MSRA: variants seen among roughly 807,000 people sequenced by gnomAD.
MSRA encodes the protein mitochondrial peptide methionine sulfoxide reductase.
In MSRA, 54 loss-of-function variants were observed where a neutral mutation model predicts 31.3. The ratio of observed to expected loss-of-function variants is 1.73; its 90% confidence interval spans 1.39 to 2.17. MSRA has a LOEUF of 2.17. Ranked by LOEUF, MSRA falls within the 30% of genes most tolerant of loss-of-function variation. The probability of loss-of-function intolerance (pLI) is 0.00; values close to 1 mark genes in which losing one functional copy is unlikely to be tolerated. For missense variants in MSRA, 507 were observed against 300.9 expected, an observed-to-expected ratio of 1.69 and a Z score of -5.07; for synonymous variants, 169 against 116.5, an observed-to-expected ratio of 1.45 and a Z score of -2.90.
At chr8:10,280,887 A>C (rs1379510124) in intron 3 of MSRA, among the ~76,000 whole-genome samples, 1 of 152,258 alleles carries the variant, frequency 6.6e-6, no homozygotes, top group Non-Finnish European at 1.5e-5. Flanking sequence ...TGCTACATGA[A>C]AGAATCCACT....
At chr8:10,061,684 A>G (rs895491907) in intron 1 of MSRA, among the ~76,000 whole-genome samples, 3 of 152,092 alleles carry the variant, frequency 2.0e-5, no homozygotes, top group Non-Finnish European at 4.4e-5. Flanking sequence ...AAAGACCAGA[A>G]ATGTCATCTT....
chr8:10,177,496 T>C (rs890097439), intron 1 of MSRA, among the ~76,000 whole-genome samples: 1 of 152,202 alleles, frequency 6.6e-6, no homozygotes, highest in Non-Finnish European at 1.5e-5. Flanking sequence ...ATGAGTGTGT[T>C]GTTATCCACC....
intron 5 of MSRA, among the ~76,000 whole-genome samples, chr8:10,349,948 C>G (rs1478909998): frequency 6.6e-6 from 1 of 152,230 alleles, no homozygotes; most frequent in Non-Finnish European, 1.5e-5. Context: ...GAGGTGAACC[C>G]TCGCTGAAGG....
At chr8:10,145,485 G>A (rs558294903) in intron 1 of MSRA, among the ~76,000 whole-genome samples, 3 of 152,184 alleles carry the variant, frequency 2.0e-5, no homozygotes, top group South Asian at 2.1e-4. Flanking sequence ...GTTGCTTGCC[G>A]CCTGCATAAT....
intron 1 of MSRA, among the ~76,000 whole-genome samples, chr8:10,184,065 G>C (rs1775128365): frequency 6.6e-6 from 1 of 151,294 alleles, no homozygotes; most frequent in African/African-American, 2.4e-5. Context: ...GGTGTTGGTA[G>C]TGGTTTTTTG....
At chr8:10,248,629 C>G (rs541194466) in intron 3 of MSRA, among the ~76,000 whole-genome samples, 47 of 152,258 alleles carry the variant, frequency 3.1e-4, no homozygotes, top group Middle Eastern at 6.8e-3. Flanking sequence ...GGATTCATAT[C>G]CGAATGGTAT....
chr8:10,110,942 G>T (rs1585169566), intron 1 of MSRA, among the ~76,000 whole-genome samples: 2 of 152,126 alleles, frequency 1.3e-5, no homozygotes, highest in African/African-American at 4.8e-5. Context: ...CTCCAGTCTA[G>T]CAATTTCTTT....
At chr8:10,190,128 G>A (rs1247179448) in intron 1 of MSRA, among the ~76,000 whole-genome samples, 1 of 152,122 alleles carries the variant, frequency 6.6e-6, no homozygotes, top group Non-Finnish European at 1.5e-5. Context: ...ACGACATTAA[G>A]CATTGTCAGT....
At chr8:10,285,910 A>T (rs1350669772) in intron 3 of MSRA, among the ~76,000 whole-genome samples, 8 of 152,152 alleles carry the variant, frequency 5.3e-5, no homozygotes, top group Admixed American at 3.9e-4. Flanking sequence ...TATGTGTGAC[A>T]TTTAATTAAA....
intron 2 of MSRA, among the ~76,000 whole-genome samples, chr8:10,225,079 A>G (rs150397169): frequency 5.9e-5 from 9 of 152,192 alleles, no homozygotes; most frequent in African/African-American, 9.6e-5. Flanking sequence ...AGAGGTTGCA[A>G]TGAGCCGAGA....
intron 1 of MSRA, among the ~76,000 whole-genome samples, chr8:10,075,866 A>T (rs1046234519): frequency 1.3e-5 from 2 of 152,196 alleles, no homozygotes; most frequent in Admixed American, 6.5e-5. Flanking sequence ...CCTAATACCA[A>T]GATATGGAGA....
intron 1 of MSRA, among the ~76,000 whole-genome samples, chr8:10,080,279 A>G (rs900379333): frequency 2.3e-4 from 34 of 149,290 alleles, no homozygotes; most frequent in African/African-American, 8.4e-4. Context: ...TTAGTATTTC[A>G]TTTCTATGGG....
intron 3 of MSRA, among the ~76,000 whole-genome samples, chr8:10,282,119 G>T (rs1279953791): frequency 1.3e-5 from 2 of 152,232 alleles, no homozygotes; most frequent in African/African-American, 2.4e-5. Context: ...CCTTTCTAAT[G>T]AATAGTAATA....
intron 1 of MSRA, among the ~76,000 whole-genome samples, chr8:10,179,924 C>G (rs2129049484): frequency 6.6e-6 from 1 of 152,308 alleles, no homozygotes; most frequent in Middle Eastern, 3.4e-3. Context: ...ACTGTTTCCT[C>G]TACACTCACA....
At chr8:10,418,815 T>TTAA (rs751877499) in intron 5 of MSRA, among the ~76,000 whole-genome samples, 1 of 66,036 alleles carries the variant, frequency 1.5e-5, no homozygotes, top group Non-Finnish European at 2.5e-5. Flanking sequence ...TTACTACGAC[T>TTAA]AAAAAAAAAA....
intron 1 of MSRA, among the ~76,000 whole-genome samples, chr8:10,178,075 C>T (rs1425168370): frequency 6.6e-6 from 1 of 152,150 alleles, no homozygotes. Context: ...CTAATGAGTA[C>T]ATCTATTCCT....
chr8:10,353,714 C>T (rs1344600998), intron 5 of MSRA: 10 of 452,668 alleles, frequency 2.2e-5, no homozygotes, highest in Non-Finnish European at 3.5e-5. Context: ...CTGTACCTGC[C>T]CACTGCCACC....
At position 10,089,138 on chromosome 8, in the gene MSRA, C is replaced by CCACACACA. The variant is rs10566550; in HGVS notation, c.142+34497_142+34504dup. ...TAAGTAAATTTTAGCTGCTTTTGTC[C>CCACACACA]CACACACACACACACACACACACAG... On this transcript the variant is annotated intron_variant, in intron 1 of 5. Coordinates refer to ENST00000317173, the MANE Select transcript of MSRA (RefSeq NM_012331.5). Among the ~76,000 whole-genome samples, 2 of 150,012 alleles carry CCACACACA rather than the reference C, an allele frequency of 1.3e-5. 1 individual carries two copies. Among genetic ancestry groups the CCACACACA allele is most frequent in the African/African-American group, 4.9e-5 (2 of 40,434 alleles).
rs529584293 is a variant in MSRA at position 10,424,171 on chromosome 8, A to G, written c.544-3977A>G. ...TCAGAGATGGATAGGAGTTCCTGCG[A>G]TGGAAAAGAGGAAAGGACATTCCTT... On this transcript the variant is annotated intron_variant, in intron 5 of 5. Coordinates refer to ENST00000317173, the MANE Select transcript of MSRA (RefSeq NM_012331.5). Among the ~76,000 whole-genome samples the G allele has an allele frequency of 5.3e-5, 8 of 152,352 alleles. No homozygotes were observed. In the South Asian group the frequency reaches 1.4e-3, roughly 28 times the overall value.
Sources: gnomAD v4.1 joint callset for allele counts (sites outside exome capture counted in the v4.1 genomes callset) on GRCh38, gnomAD v4.1.1 for gene constraint, MANE v1.5 for transcripts, NCBI Gene and HGNC (gene_info 2026-07-23, HGNC 2026-07-21) for gene names.